The following C14orf119 variants were observed in gnomAD, a reference collection of about 807,000 sequenced individuals.
C14orf119 encodes chromosome 14 open reading frame 119, also known as uncharacterized protein C14orf119.
In C14orf119, 17 loss-of-function variants were observed where a neutral mutation model predicts 13.5. The ratio of observed to expected loss-of-function variants is 1.26; its 90% CI spans 0.86 to 1.88. C14orf119 has a LOEUF of 1.88. C14orf119 is among the 40% of genes most tolerant of loss of function. The probability of loss-of-function intolerance (pLI) is 0.00; values close to 1 mark genes in which losing one functional copy is unlikely to be tolerated. For synonymous variants in C14orf119, 61 were observed against 61.9 expected, an observed-to-expected ratio of 0.99 and a Z score of 0.07; for missense variants, 162 against 165.9, an observed-to-expected ratio of 0.98 and a Z score of 0.13.
Position 23,098,308 on chromosome 14 carries a change from GTTTGCTT to G in C14orf119, c.*228_*234del. Reference sequence around the variant, plus strand: ...AGCAATCCAGCTCATCAGTCTACTAGTTTGCTTCTTTCCGAGAGATGTCAAGTCCTCA... The same window carrying G: ...AGCAATCCAGCTCATCAGTCTACTAGCTTTCCGAGAGATGTCAAGTCCTCA... On this transcript the variant is annotated 3_prime_UTR_variant, in exon 2 of 2. Transcript: ENST00000319074. 1.9e-6 allele frequency: 1 copy of G among 529,464 alleles called. No homozygotes were observed. The highest frequency in any genetic ancestry group is 3.2e-5 in the East Asian group (1 of 30,930). 32.8% of individuals were successfully genotyped at this position (529,464 alleles called of 1,614,324 possible).
rs1056737971 is a variant in C14orf119 at position 23,095,512 on chromosome 14, G to C, written c.-109G>C. The C allele has an allele frequency of 5.2e-6, 3 of 574,970 alleles. No homozygotes were observed. The highest frequency in any genetic ancestry group is 2.3e-5 in the South Asian group (1 of 42,692). 35.6% of individuals were successfully genotyped at this position (574,970 alleles called of 1,614,324 possible). A position where few individuals can be genotyped will look rare whatever the true frequency, so the allele number is the denominator to read the frequency against. On this transcript the variant is annotated 5_prime_UTR_variant, in exon 1 of 2. Transcript: ENST00000319074. Reference sequence around the variant, plus strand: ...GTCCGAGGCCGGAAGTGCGTGGGCTGCCGGGCTGGCCCAGCTTAGGGTTTT... The same window carrying C: ...GTCCGAGGCCGGAAGTGCGTGGGCTCCCGGGCTGGCCCAGCTTAGGGTTTT...
In C14orf119 at chr14:23,095,526, G is replaced by A. The variant is rs777351302; in HGVS notation, c.-95G>A. On this transcript the variant is annotated 5_prime_UTR_variant, in exon 1 of 2. Coordinates refer to ENST00000319074, the MANE Select transcript of C14orf119 (RefSeq NM_017924.4). ...GTGCGTGGGCTGCCGGGCTGGCCCA[G>A]CTTAGGGTTTTCAGGAAATTTGGAA... The A allele has an allele frequency of 3.8e-6, 2 of 533,146 alleles. No homozygotes were observed. Among genetic ancestry groups the A allele is most frequent in the Non-Finnish European group, 6.5e-6 (2 of 305,950 alleles). 33.0% of individuals were successfully genotyped at this position (533,146 alleles called of 1,614,324 possible).
chr14:23,097,874 A>G lies in C14orf119; in HGVS notation c.216A>G (p.Pro72=), dbSNP rs1481117669. 2 of 1,614,138 alleles carry G rather than the reference A, an allele frequency of 1.2e-6. No homozygotes were observed. The highest frequency in any genetic ancestry group is 4.5e-5 in the East Asian group (2 of 44,886). Residue 72 remains proline (P), a synonymous_variant, in exon 2 of 2, where the codon CCA becomes CCG. Coordinates refer to ENST00000319074, the MANE Select transcript of C14orf119 (RefSeq NM_017924.4). ...VAKAVPEKLQ[P]LLDSLEQLSV... ...AGGCAGTGCCAGAAAAATTACAACCACTGCTGGATAGTCTGGAGCAGCTTA... is the reference window on the plus strand; with the variant it reads ...AGGCAGTGCCAGAAAAATTACAACCGCTGCTGGATAGTCTGGAGCAGCTTA...
chr14:23,095,696 C>G (rs1356087613), intron 1 of C14orf119, 77 bp downstream of exon 1: 1 of 176,372 alleles, frequency 5.7e-6, no homozygotes, highest in East Asian at 1.5e-4. Context: ...GCAAGCCCCC[C>G]ACTCCTTAAC....
rs2048401186 is a variant in C14orf119, at chr14:23,098,141, TAACTC to T, written c.*63_*67del. On this transcript the variant is annotated 3_prime_UTR_variant, in exon 2 of 2. Transcript: ENST00000319074. Reference sequence around the variant, plus strand: ...ATGGAGCCATGACTCTCTACAATGATAACTCAATTCAAATGTGTCGCCTAAAGCTC... The same window carrying T: ...ATGGAGCCATGACTCTCTACAATGATAATTCAAATGTGTCGCCTAAAGCTC... The T allele has an allele frequency of 6.5e-7, 1 of 1,541,366 alleles. No homozygotes were observed. Among genetic ancestry groups the T allele is most frequent in the East Asian group, 2.3e-5 (1 of 44,360 alleles).
chr14:23,097,513 ACT>A (rs892346946), intron 1 of C14orf119, 143 bp from the exon 2 acceptor site: 34 of 678,176 alleles, frequency 5.0e-5, no homozygotes, highest in Non-Finnish European at 6.8e-5. Flanking sequence ...TAAATAAAGG[ACT>A]CTTATTATTT....
In C14orf119 at chr14:23,097,790, C is replaced by G. The variant is rs1339459223; in HGVS notation, c.132C>G (p.His44Gln). 10 of 1,614,096 alleles carry G rather than the reference C, an allele frequency of 6.2e-6. No individual in the cohort carries two copies. In the East Asian group the frequency reaches 2.0e-4, roughly 32 times the overall value. ...CCCAGGAGATGAAGTGTATTCTTCACTGGTTTGCCAATTGGTCAGGTCCCC... is the reference window on the plus strand; with the variant it reads ...CCCAGGAGATGAAGTGTATTCTTCAGTGGTTTGCCAATTGGTCAGGTCCCC... ...ITSQEMKCIL[H>Q]WFANWSGPQR... The change falls in exon 2 of 2, where the codon CAC (histidine) becomes CAG (glutamine). Residue 44 changes from histidine to glutamine, a missense_variant. Coordinates refer to ENST00000319074, the MANE Select transcript of C14orf119 (RefSeq NM_017924.4).
rs571984192 is a variant in C14orf119, at chr14:23,100,276, G to T, written c.*2195G>T. On this transcript the variant is annotated 3_prime_UTR_variant, in exon 2 of 2. Coordinates refer to ENST00000319074, the MANE Select transcript of C14orf119 (RefSeq NM_017924.4). ...TCTCAAAAAAGAAGAAGAAAAAGGT[G>T]GGGGGAGGGGACTAAGATCCCTATG... 18 of 377,036 alleles carry T rather than the reference G, an allele frequency of 4.8e-5. No homozygotes were observed. Among genetic ancestry groups the T allele is most frequent in the African/African-American group, 3.3e-4 (16 of 47,878 alleles). The allele number at this position is 377,036 out of a possible 1,614,324, so 23.4% of individuals were successfully genotyped here. A position where few individuals can be genotyped will look rare whatever the true frequency, so the allele number is the denominator to read the frequency against.
In C14orf119 at chr14:23,100,201, G is replaced by A. The variant is rs1381951857; in HGVS notation, c.*2120G>A. 2 of 237,422 alleles carry A rather than the reference G, an allele frequency of 8.4e-6. No homozygotes were observed. The highest frequency in any genetic ancestry group is 2.2e-5 in the African/African-American group (1 of 44,582). The allele number at this position is 237,422 out of a possible 1,614,324, so 14.7% of individuals were successfully genotyped here. On this transcript the variant is annotated 3_prime_UTR_variant, in exon 2 of 2. Transcript: ENST00000319074. ...CCTAGGGAGGTCGAGGCCACAGTGA[G>A]CTGAGATCACCCCACTGCATTCCAG...
chr14:23,095,933 C>G (rs552249363), intron 1 of C14orf119, among the ~76,000 whole-genome samples: 3 of 152,312 alleles, frequency 2.0e-5, no homozygotes, highest in Non-Finnish European at 4.4e-5. Flanking sequence ...AAAGTTCTTC[C>G]TTGCTCCGCA....
Position 23,099,165 on chromosome 14 carries a change from C to A in C14orf119, c.*1084C>A. 1 of 411,756 alleles carries A rather than the reference C, an allele frequency of 2.4e-6. No homozygotes were observed. 25.5% of individuals were successfully genotyped at this position (411,756 alleles called of 1,614,324 possible). The stretch of plus-strand genomic sequence containing the variant: ...TTGCCAGGCTATATAATATTGACAA[C>A]CGGGGAAAGAGGCATTCCAAAGAAA... On this transcript the variant is annotated 3_prime_UTR_variant, in exon 2 of 2. Transcript: ENST00000319074.
intron 1 of C14orf119, among the ~76,000 whole-genome samples, chr14:23,096,548 A>G (rs1357054440): frequency 6.7e-6 from 1 of 149,556 alleles, no homozygotes; most frequent in Non-Finnish European, 1.5e-5. Context: ...CAAGGCACCA[A>G]TAGATACCAT....
intron 1 of C14orf119, 135 bp from the exon 2 acceptor site, chr14:23,097,522 AT>A: frequency 1.4e-6 from 1 of 738,400 alleles, no homozygotes; most frequent in Non-Finnish European, 2.2e-6. Context: ...GACTCTTATT[AT>A]TTTGGGTCTT....
chr14:23,097,493 GATA>G (rs1192548666), intron 1 of C14orf119, 162 bp from the exon 2 acceptor site: 18 of 613,024 alleles, frequency 2.9e-5, no homozygotes, highest in Non-Finnish European at 4.7e-5. Context: ...AAGGTAGTTG[GATA>G]ATAATCTAAA....
At chr14:23,097,627 G>A in intron 1 of C14orf119, 31 bp from the exon 2 acceptor site, 1 of 1,582,242 alleles carries the variant, frequency 6.3e-7, no homozygotes, top group Non-Finnish European at 8.7e-7. Context: ...GCTCTACCTG[G>A]AGAGCATATA....
At position 23,099,269 on chromosome 14, in the gene C14orf119, G is replaced by A. The variant is rs1328258762; in HGVS notation, c.*1188G>A. On this transcript the variant is annotated 3_prime_UTR_variant, in exon 2 of 2. Coordinates refer to ENST00000319074, the MANE Select transcript of C14orf119 (RefSeq NM_017924.4). ...TATTCTCTTCCTTACCCCCTGTCATGTTCTGGGCAACATCACACCTCCCTT... is the reference window on the plus strand; with the variant it reads ...TATTCTCTTCCTTACCCCCTGTCATATTCTGGGCAACATCACACCTCCCTT... 1 of 413,368 alleles carries A rather than the reference G, an allele frequency of 2.4e-6. No individual in the cohort carries two copies. The highest frequency in any genetic ancestry group is 3.6e-5 in the East Asian group (1 of 28,090). 25.6% of individuals were successfully genotyped at this position (413,368 alleles called of 1,614,324 possible).
rs1207628777 is a variant in C14orf119 at position 23,099,543 on chromosome 14, T to C, written c.*1462T>C. The C allele has an allele frequency of 1.3e-5, 5 of 394,070 alleles. No homozygotes were observed. The Admixed American group carries it at 2.4e-4, about 19-fold the overall frequency. 24.4% of individuals were successfully genotyped at this position (394,070 alleles called of 1,614,324 possible). A position where few individuals can be genotyped will look rare whatever the true frequency, so the allele number is the denominator to read the frequency against. On this transcript the variant is annotated 3_prime_UTR_variant, in exon 2 of 2. Coordinates refer to ENST00000319074, the MANE Select transcript of C14orf119 (RefSeq NM_017924.4). ...TGGAATAATGCCTAGCCTTAGTAGA[T>C]AAAGCGGCATTACCTTTTTTTTTTT...
At chr14:23,097,546 A>G (rs2048394412) in intron 1 of C14orf119, 112 bp from the exon 2 acceptor site, 4 of 961,900 alleles carry the variant, frequency 4.2e-6, no homozygotes, top group Admixed American at 2.3e-5. Context: ...AATTCATAAA[A>G]AGTAATTTTC....
chr14:23,099,407 C>T lies in C14orf119; in HGVS notation c.*1326C>T. 1 of 413,422 alleles carries T rather than the reference C, an allele frequency of 2.4e-6. No individual in the cohort carries two copies. The highest frequency in any genetic ancestry group is 4.4e-6 in the Non-Finnish European group (1 of 226,170). 25.6% of individuals were successfully genotyped at this position (413,422 alleles called of 1,614,324 possible). A position where few individuals can be genotyped will look rare whatever the true frequency, so the allele number is the denominator to read the frequency against. ...TAGGCTGTGGTTCCCATTACACCCACCAGGATTAGCAGCATTAGGCAGAGT... is the reference window on the plus strand; with the variant it reads ...TAGGCTGTGGTTCCCATTACACCCATCAGGATTAGCAGCATTAGGCAGAGT... On this transcript the variant is annotated 3_prime_UTR_variant, in exon 2 of 2. Coordinates refer to ENST00000319074, the MANE Select transcript of C14orf119 (RefSeq NM_017924.4).
Sources: gnomAD v4.1 joint callset for allele counts (sites outside exome capture counted in the v4.1 genomes callset) on GRCh38, gnomAD v4.1.1 for gene constraint, MANE v1.5 for transcripts, NCBI Gene and HGNC (gene_info 2026-07-23, HGNC 2026-07-21) for gene names.